Variants in STARD13 observed in about 807,000 individuals in gnomAD.
STARD13 encodes StAR related lipid transfer domain containing 13.
In STARD13, 62 loss-of-function variants were observed where a neutral mutation model predicts 106.4. That is an observed-to-expected ratio of 0.58 (90% CI 0.48 to 0.72). The LOEUF (loss-of-function observed/expected upper bound fraction) is 0.72. Ranked by LOEUF, STARD13 falls within the 30% of genes least tolerant of loss-of-function variation. The pLI, the probability that STARD13 is intolerant of heterozygous loss-of-function variation, is 0.00. For missense variants in STARD13, 1,387 were observed against 1,424.0 expected (o/e 0.97, Z 0.42); for synonymous variants, 565 against 553.0 (o/e 1.02, Z -0.31).
intron 4 of STARD13, among the ~76,000 whole-genome samples, chr13:33,135,584 T>A (rs1172114848): frequency 6.6e-6 from 1 of 152,208 alleles, no homozygotes; most frequent in East Asian, 1.9e-4. Context: ...GAACTGAAGA[T>A]GAATTTTGGA....
chr13:33,408,986 C>G, the STARD13 span, among the ~76,000 whole-genome samples: 1 of 151,826 alleles, frequency 6.6e-6, no homozygotes, highest in Admixed American at 6.6e-5. Flanking sequence ...AGCCCTCTCA[C>G]TTTGCACCCC....
At chr13:33,185,457 G>A (rs185479682) in intron 1 of STARD13, among the ~76,000 whole-genome samples, 13 of 152,194 alleles carry the variant, frequency 8.5e-5, no homozygotes, top group Admixed American at 2.0e-4. Flanking sequence ...TGTCTCCTTC[G>A]CTTAGAATTC....
chr13:33,300,751 T>A (rs1427090731), intron 1 of STARD13, among the ~76,000 whole-genome samples: 1 of 152,230 alleles, frequency 6.6e-6, no homozygotes, highest in Non-Finnish European at 1.5e-5. Context: ...ATTTTATTGA[T>A]TATGGAAATT....
At chr13:33,215,129 G>GGC (rs1491007256) in intron 1 of STARD13, among the ~76,000 whole-genome samples, 4 of 117,492 alleles carry the variant, frequency 3.4e-5, no homozygotes, top group African/African-American at 1.3e-4. Context: ...TGGGGGGGGG[G>GGC]GTGGGGGGAA....
intron 3 of STARD13, among the ~76,000 whole-genome samples, chr13:33,162,166 A>G (rs2138340550): frequency 6.6e-6 from 1 of 152,306 alleles, no homozygotes; most frequent in African/African-American, 2.4e-5. Flanking sequence ...AACTCATTTC[A>G]GCATTAACCC....
At chr13:33,152,246 C>G (rs1187880675) in intron 3 of STARD13, among the ~76,000 whole-genome samples, 1 of 152,122 alleles carries the variant, frequency 6.6e-6, no homozygotes, top group African/African-American at 2.4e-5. Flanking sequence ...TAGGAGTCGA[C>G]AACAACTAGC....
chr13:33,480,581 A>G, the STARD13 span, among the ~76,000 whole-genome samples: 1 of 152,194 alleles, frequency 6.6e-6, no homozygotes, highest in Non-Finnish European at 1.5e-5. Context: ...TCACTACAGG[A>G]AAAGAAAAGA....
chr13:33,439,417 G>A, the STARD13 span, among the ~76,000 whole-genome samples: 1 of 152,148 alleles, frequency 6.6e-6, no homozygotes, highest in African/African-American at 2.4e-5. Flanking sequence ...ATAAAGACTG[G>A]TTATGCAAAG....
chr13:33,192,827 G>A (rs1886344574), intron 1 of STARD13, among the ~76,000 whole-genome samples: 1 of 152,116 alleles, frequency 6.6e-6, no homozygotes, highest in Non-Finnish European at 1.5e-5. Context: ...GAACCCAGGA[G>A]GCAGAGGTTG....
chr13:33,113,397 A>G (rs1874902675), intron 8 of STARD13: 5 of 423,410 alleles, frequency 1.2e-5, no homozygotes, highest in Admixed American at 1.0e-4. Flanking sequence ...GTTAGGGAAC[A>G]GTAGCCTCGC....
chr13:33,253,803 C>T (rs904145261), intron 1 of STARD13, among the ~76,000 whole-genome samples: 8 of 152,102 alleles, frequency 5.3e-5, no homozygotes, highest in South Asian at 2.1e-4. Context: ...CAAAATAGTA[C>T]GATCTAAAGA....
At chr13:33,167,964 ATTC>A (rs1266615462) in intron 1 of STARD13, among the ~76,000 whole-genome samples, 2 of 140,196 alleles carry the variant, frequency 1.4e-5, no homozygotes, top group East Asian at 4.3e-4. Flanking sequence ...AAAAGAGGGC[ATTC>A]TTCTTTACAA....
the STARD13 span, among the ~76,000 whole-genome samples, chr13:33,463,827 C>T: frequency 3.2e-4 from 49 of 151,932 alleles, no homozygotes; most frequent in Admixed American, 1.2e-3. Flanking sequence ...GCCTGGCTAA[C>T]GTGTCAAAAC....
chr13:33,607,974 A>T, the STARD13 span, among the ~76,000 whole-genome samples: 43 of 152,296 alleles, frequency 2.8e-4, no homozygotes, highest in African/African-American at 1.0e-3. Context: ...CAATGGCACA[A>T]TCCTAGCCTT....
the STARD13 span, among the ~76,000 whole-genome samples, chr13:33,538,793 G>A: frequency 6.5e-4 from 96 of 147,962 alleles, no homozygotes; most frequent in African/African-American, 2.0e-3. Context: ...TTTTTGAGAC[G>A]GAGTCTGGCT....
chr13:33,359,734 T>G, the STARD13 span: 1 of 152,524 alleles, frequency 6.6e-6, no homozygotes, highest in African/African-American at 2.4e-5. Context: ...GAGGCCATAG[T>G]ATAATGGCCA....
In STARD13 at chr13:33,112,811, T is replaced by C. The variant is rs1449289652; in HGVS notation, c.2402A>G (p.Glu801Gly). The C allele has an allele frequency of 3.1e-6, 5 of 1,613,792 alleles. No individual in the cohort carries two copies. The highest frequency in any genetic ancestry group is 4.2e-6 in the Non-Finnish European group (5 of 1,179,920). ...GTTCATGGGCGTCATCTGATTCTCT[T>C]CCACCAAGTTGACGACGTCGTTCAG... ...CFLNDVVNLVEENQMTPMNLA... is the reference protein window; with the variant it reads ...CFLNDVVNLVGENQMTPMNLA... The change falls in exon 9 of 14, where the codon GAA becomes GGA. Residue 801 changes from glutamate to glycine, a missense_variant. Glu to Gly is a moderately conservative substitution (Grantham distance 98). Transcript: ENST00000336934.
intron 1 of STARD13, among the ~76,000 whole-genome samples, chr13:33,197,375 T>G (rs1886698766): frequency 6.6e-6 from 1 of 151,806 alleles, no homozygotes; most frequent in South Asian, 2.1e-4. Flanking sequence ...ATATAGCTAT[T>G]TGGTGTGAAT....
intron 3 of STARD13, among the ~76,000 whole-genome samples, chr13:33,164,908 C>G (rs1460658468): frequency 2.0e-5 from 3 of 152,272 alleles, no homozygotes; most frequent in East Asian, 3.9e-4. Context: ...TTGACACACT[C>G]GTAGTTTTTC....
Sources: gnomAD v4.1 joint callset for allele counts (sites outside exome capture counted in the v4.1 genomes callset) on GRCh38, gnomAD v4.1.1 for gene constraint, MANE v1.5 for transcripts, NCBI Gene and HGNC (gene_info 2026-07-23, HGNC 2026-07-21) for gene names.